The following PHLDB2 variants were observed in gnomAD, a reference collection of about 807,000 sequenced individuals.
The protein encoded by PHLDB2 is pleckstrin homology like domain family B member 2, also known as pleckstrin homology-like domain family B member 2.
A neutral mutation model predicts 123.6 loss-of-function variants in PHLDB2; 71 were observed. That is an observed-to-expected ratio of 0.57 (90% CI 0.47 to 0.70). The LOEUF (loss-of-function observed/expected upper bound fraction) is 0.70. PHLDB2 is among the 30% of genes least tolerant of loss of function. The pLI, the probability that PHLDB2 is intolerant of heterozygous loss-of-function variation, is 0.00. For missense variants in PHLDB2, 1,446 were observed against 1,519.5 expected (o/e 0.95, Z 0.80); for synonymous variants, 547 against 541.6 (o/e 1.01, Z -0.14).
chr3:111,915,050 T>C (rs542312585), intron 3 of PHLDB2: 23 of 152,284 alleles, frequency 1.5e-4, no homozygotes, highest in African/African-American at 5.5e-4. Context: ...ATAACAAAAA[T>C]AGTAAATAGG....
At chr3:111,794,739 G>T (rs2061080085) in intron 1 of PHLDB2, among the ~76,000 whole-genome samples, 1 of 152,220 alleles carries the variant, frequency 6.6e-6, no homozygotes, top group Admixed American at 6.5e-5. Context: ...ATACACACCT[G>T]AGCTGTGGAA....
intron 16 of PHLDB2, among the ~76,000 whole-genome samples, chr3:111,971,083 C>T (rs2072146158): frequency 6.6e-6 from 1 of 152,266 alleles, no homozygotes; most frequent in East Asian, 1.9e-4. Context: ...GGTCCTAGGT[C>T]CCCTGCTTTG....
chr3:111,843,761 A>T (rs965189094), intron 1 of PHLDB2, among the ~76,000 whole-genome samples: 1 of 152,182 alleles, frequency 6.6e-6, no homozygotes, highest in African/African-American at 2.4e-5. Context: ...TATAATTTAC[A>T]AACATTTTCT....
chr3:111,815,577 G>C (rs1269674954), intron 1 of PHLDB2, among the ~76,000 whole-genome samples: 1 of 152,166 alleles, frequency 6.6e-6, no homozygotes, highest in East Asian at 1.9e-4. Flanking sequence ...CTTTCAACTT[G>C]AGAGAGATTA....
intron 2 of PHLDB2, 74 bp downstream of exon 2, chr3:111,885,486 A>G (rs2066109556): frequency 6.4e-7 from 1 of 1,563,208 alleles, no homozygotes; most frequent in Non-Finnish European, 8.8e-7. Context: ...TTGGAGATGG[A>G]CTCCAGGATA....
intron 1 of PHLDB2, among the ~76,000 whole-genome samples, chr3:111,764,544 T>G (rs2060046385): frequency 6.6e-6 from 1 of 152,206 alleles, no homozygotes; most frequent in Non-Finnish European, 1.5e-5. Flanking sequence ...CATGTTGATG[T>G]GGTGAGGTTT....
chr3:111,797,856 G>C (rs1212120356), intron 1 of PHLDB2, among the ~76,000 whole-genome samples: 2 of 152,232 alleles, frequency 1.3e-5, no homozygotes, highest in Admixed American at 1.3e-4. Flanking sequence ...ATAGGGTAGG[G>C]TGCAGTGGTT....
At chr3:111,934,148 CTTATAAA>C (rs2069314276) in intron 6 of PHLDB2, among the ~76,000 whole-genome samples, 1 of 152,152 alleles carries the variant, frequency 6.6e-6, no homozygotes, top group Non-Finnish European at 1.5e-5. Flanking sequence ...GTGTAAAATT[CTTATAAA>C]ACCTCTTTCC....
intron 1 of PHLDB2, among the ~76,000 whole-genome samples, chr3:111,823,884 G>A (rs1324044117): frequency 6.6e-6 from 1 of 152,164 alleles, no homozygotes; most frequent in Non-Finnish European, 1.5e-5. Flanking sequence ...GTGAGGAGAT[G>A]GTGGAGGGGG....
intron 13 of PHLDB2, among the ~76,000 whole-genome samples, chr3:111,966,019 A>G (rs774861): frequency 0.18 from 28,097 of 152,088 alleles, 3,175 homozygotes; most frequent in African/African-American, 0.31. Flanking sequence ...AAAACTGGCC[A>G]CTATCCATCC....
intron 1 of PHLDB2, among the ~76,000 whole-genome samples, chr3:111,823,616 A>G (rs1404320493): frequency 6.6e-6 from 1 of 152,212 alleles, no homozygotes; most frequent in Non-Finnish European, 1.5e-5. Context: ...CAAACCTAGC[A>G]AAGTCTTATC....
At chr3:111,848,048 C>A (rs1227726245) in intron 2 of PHLDB2, among the ~76,000 whole-genome samples, 1 of 152,046 alleles carries the variant, frequency 6.6e-6, no homozygotes, top group Admixed American at 6.6e-5. Flanking sequence ...GTCTGCTGTG[C>A]CCAAAGGATA....
chr3:111,843,048 G>A (rs911182459), intron 1 of PHLDB2, among the ~76,000 whole-genome samples: 2 of 152,084 alleles, frequency 1.3e-5, no homozygotes, highest in African/African-American at 2.4e-5. Context: ...TACAAATAAC[G>A]ACACCATGAA....
At chr3:111,734,954 G>A (rs1183754058) in intron 1 of PHLDB2, among the ~76,000 whole-genome samples, 1 of 152,206 alleles carries the variant, frequency 6.6e-6, no homozygotes, top group African/African-American at 2.4e-5. Flanking sequence ...ACAGGCAAGA[G>A]CAAAAGCAAG....
intron 1 of PHLDB2, chr3:111,778,275 TGGA>T (rs2060303268): frequency 6.6e-6 from 1 of 151,946 alleles, no homozygotes; most frequent in Admixed American, 6.6e-5. Flanking sequence ...TAGGGAAATG[TGGA>T]CACAAGCACA....
At chr3:111,899,690 T>A (rs1190681577) in intron 2 of PHLDB2, among the ~76,000 whole-genome samples, 1 of 152,232 alleles carries the variant, frequency 6.6e-6, no homozygotes, top group Non-Finnish European at 1.5e-5. Flanking sequence ...AGTCAACCTA[T>A]CCTTTGAAGA....
intron 1 of PHLDB2, among the ~76,000 whole-genome samples, chr3:111,816,726 G>A (rs1179784025): frequency 6.6e-6 from 1 of 152,184 alleles, no homozygotes; most frequent in Non-Finnish European, 1.5e-5. Flanking sequence ...GACTTTGGGG[G>A]ACTGTTGGGA....
rs1427025705 is a variant in PHLDB2 at position 111,831,009 on chromosome 3, G to GAAAGAAAGA, written c.-48-14809_-48-14801dup. On this transcript the variant is annotated intron_variant, in intron 1 of 17. Coordinates refer to the PHLDB2 transcript ENST00000393923. ...AGAAAGAAAGAAAGAAAGAAAGAAA[G>GAAAGAAAGA]AAAGAAAGAAAGAAAGAAAGAAAGG... Among the ~76,000 whole-genome samples, 18 of 100,138 alleles carry GAAAGAAAGA rather than the reference G, an allele frequency of 1.8e-4. 4 individuals carry two copies. The highest frequency in any genetic ancestry group is 1.7e-4 in the Non-Finnish European group (9 of 53,814). 65.7% of individuals were successfully genotyped at this position (100,138 alleles called of 152,430 possible).
At chr3:111,816,181 C>A (rs2062068878) in intron 1 of PHLDB2, among the ~76,000 whole-genome samples, 1 of 152,208 alleles carries the variant, frequency 6.6e-6, no homozygotes, top group Admixed American at 6.5e-5. Context: ...TAGGGCAGTG[C>A]AGAAGGGAAA....
Sources: gnomAD v4.1 joint callset for allele counts (sites outside exome capture counted in the v4.1 genomes callset) on GRCh38, gnomAD v4.1.1 for gene constraint, MANE v1.5 for transcripts, NCBI Gene and HGNC (gene_info 2026-07-23, HGNC 2026-07-21) for gene names.